The following PRKD1 variants were observed in gnomAD, a reference collection of about 807,000 sequenced individuals.
PRKD1 encodes protein kinase D1.
PRKD1 carries 63 observed loss-of-function variants against 95.9 expected under a neutral mutation model. The observed-to-expected ratio is 0.66, with a 90% CI of 0.54 to 0.81. The LOEUF is 0.81. PRKD1 is among the 30% of genes least tolerant of loss of function. The pLI is 0.00. For synonymous variants in PRKD1, 425 were observed against 423.1 expected (o/e 1.00, Z -0.05); for missense variants, 1,048 against 1,165.3 (o/e 0.90, Z 1.47).
intron 1 of PRKD1, among the ~76,000 whole-genome samples, chr14:29,800,428 T>C (rs1008262388): frequency 6.6e-6 from 1 of 152,210 alleles, no homozygotes; most frequent in African/African-American, 2.4e-5. Flanking sequence ...TGGGGTTTTA[T>C]TGGTGGGTTA....
intron 1 of PRKD1, among the ~76,000 whole-genome samples, chr14:29,747,985 C>A (rs961861265): frequency 6.6e-6 from 1 of 152,102 alleles, no homozygotes; most frequent in Non-Finnish European, 1.5e-5. Context: ...CTCAAGTGAT[C>A]CTCCCACCTC....
At chr14:29,652,185 G>T (rs143344881) in intron 4 of PRKD1, among the ~76,000 whole-genome samples, 3 of 152,324 alleles carry the variant, frequency 2.0e-5, no homozygotes, top group African/African-American at 7.2e-5. Context: ...ATTCCTAACA[G>T]TGGAAGGCTC....
chr14:29,864,973 G>C (rs1407762768), intron 1 of PRKD1, among the ~76,000 whole-genome samples: 1 of 152,152 alleles, frequency 6.6e-6, no homozygotes, highest in African/African-American at 2.4e-5. Flanking sequence ...AATGAACAGA[G>C]AAATCAGGGT....
At chr14:29,786,651 T>C (rs1889287785) in intron 1 of PRKD1, among the ~76,000 whole-genome samples, 1 of 152,190 alleles carries the variant, frequency 6.6e-6, no homozygotes. Flanking sequence ...TAGTCTCCAA[T>C]GATCCTTTGT....
At chr14:29,578,189 A>G in intron 17 of PRKD1, 86 bp downstream of exon 17, 1 of 1,084,502 alleles carries the variant, frequency 9.2e-7, no homozygotes, top group Non-Finnish European at 1.3e-6. Context: ...CACTTTAAAA[A>G]TTATTGCAAA....
At chr14:29,863,790 T>C (rs1215820496) in intron 1 of PRKD1, among the ~76,000 whole-genome samples, 1 of 152,192 alleles carries the variant, frequency 6.6e-6, no homozygotes, top group Non-Finnish European at 1.5e-5. Context: ...ATGTCCATTA[T>C]ATCTGGAGAA....
intron 1 of PRKD1, among the ~76,000 whole-genome samples, chr14:29,917,422 C>A (rs969307479): frequency 2.6e-5 from 4 of 151,984 alleles, no homozygotes; most frequent in Non-Finnish European, 5.9e-5. Flanking sequence ...TTTACATCAA[C>A]ATAAATGTCG....
chr14:29,926,057 C>T (rs1484177361), intron 1 of PRKD1, among the ~76,000 whole-genome samples: 1 of 152,180 alleles, frequency 6.6e-6, no homozygotes, highest in East Asian at 1.9e-4. Context: ...TAAATAAATT[C>T]CTGGCACTCA....
At chr14:29,814,885 C>G (rs1321974221) in intron 1 of PRKD1, among the ~76,000 whole-genome samples, 1 of 152,140 alleles carries the variant, frequency 6.6e-6, no homozygotes, top group East Asian at 1.9e-4. Context: ...AAAGAGCCAA[C>G]TTGAACTGTA....
chr14:29,710,934 G>A (rs968569842), intron 2 of PRKD1, among the ~76,000 whole-genome samples: 22 of 152,126 alleles, frequency 1.4e-4, no homozygotes, highest in African/African-American at 5.3e-4. Flanking sequence ...ATTTGTGCTT[G>A]TCTCCCTCGT....
At chr14:29,804,232 A>G in intron 1 of PRKD1, among the ~76,000 whole-genome samples, 1 of 143,476 alleles carries the variant, frequency 7.0e-6, no homozygotes, top group African/African-American at 2.7e-5. Flanking sequence ...ACAAGAACGA[A>G]ACTAAAAAAA....
At chr14:29,626,583 A>C (rs1364594907) in intron 11 of PRKD1, 27 bp from the exon 12 acceptor site, 1 of 1,504,494 alleles carries the variant, frequency 6.6e-7, no homozygotes, top group Non-Finnish European at 9.0e-7. Flanking sequence ...AATGAAAAAA[A>C]AACATGAAGC....
intron 1 of PRKD1, among the ~76,000 whole-genome samples, chr14:29,740,425 G>A (rs12878274): frequency 0.15 from 22,396 of 152,178 alleles, 1,978 homozygotes; most frequent in South Asian, 0.22. Context: ...GTAAGTTGAT[G>A]TCCAGAACAT....
chr14:29,639,858 A>G (rs45516395), intron 4 of PRKD1, among the ~76,000 whole-genome samples: 4,270 of 152,246 alleles, frequency 0.028, 182 homozygotes, highest in African/African-American at 0.091. Context: ...CCATCATTTT[A>G]GAATTATTTA....
intron 1 of PRKD1, among the ~76,000 whole-genome samples, chr14:29,859,719 CATT>C (rs776027787): frequency 1.9e-4 from 29 of 152,092 alleles, no homozygotes; most frequent in Non-Finnish European, 3.7e-4. Flanking sequence ...ACTCTAATCT[CATT>C]ATAAGAATTC....
At chr14:29,580,863 C>T (rs1405966346) in intron 16 of PRKD1, among the ~76,000 whole-genome samples, 1 of 151,970 alleles carries the variant, frequency 6.6e-6, no homozygotes, top group Non-Finnish European at 1.5e-5. Context: ...ACCAAATCTT[C>T]CTTAATTCCT....
At chr14:29,692,692 T>C (rs932989983) in intron 2 of PRKD1, among the ~76,000 whole-genome samples, 6 of 152,298 alleles carry the variant, frequency 3.9e-5, no homozygotes, top group Admixed American at 1.3e-4. Flanking sequence ...CATCCTCATC[T>C]TCACTAATTC....
intron 1 of PRKD1, among the ~76,000 whole-genome samples, chr14:29,856,012 T>C (rs570330722): frequency 6.6e-6 from 1 of 152,186 alleles, no homozygotes; most frequent in Admixed American, 6.5e-5. Flanking sequence ...GACTAATATA[T>C]GCACACTAAT....
At chr14:29,745,235 C>G (rs980269814) in intron 1 of PRKD1, among the ~76,000 whole-genome samples, 7 of 152,124 alleles carry the variant, frequency 4.6e-5, no homozygotes, top group African/African-American at 1.7e-4. Context: ...TCATCACCAC[C>G]TACACTTCTA....
Sources: gnomAD v4.1 joint callset for allele counts (sites outside exome capture counted in the v4.1 genomes callset) on GRCh38, gnomAD v4.1.1 for gene constraint, MANE v1.5 for transcripts, NCBI Gene and HGNC (gene_info 2026-07-23, HGNC 2026-07-21) for gene names.